DSE: variants seen among roughly 807,000 people sequenced by gnomAD.
The protein encoded by DSE is dermatan-sulfate epimerase.
A neutral mutation model predicts 84.4 loss-of-function variants in DSE; 36 were observed. The ratio of observed to expected loss-of-function variants is 0.43; its 90% CI spans 0.33 to 0.56. The LOEUF is 0.56. DSE is among the 20% of genes least tolerant of loss of function. DSE has a pLI of 0.06. For missense variants in DSE, 862 were observed against 1,169.6 expected (o/e 0.74, Z 3.84); for synonymous variants, 410 against 430.1 (o/e 0.95, Z 0.58).
intron 2 of DSE, among the ~76,000 whole-genome samples, chr6:116,324,916 A>G (rs763372232): frequency 9.9e-5 from 15 of 152,106 alleles, no homozygotes; most frequent in Non-Finnish European, 1.8e-4. Context: ...AGTTTATCCC[A>G]TTTTATATTT....
chr6:116,311,888 G>A (rs554619016), intron 2 of DSE, among the ~76,000 whole-genome samples: 6 of 152,260 alleles, frequency 3.9e-5, no homozygotes, highest in Admixed American at 1.3e-4. Flanking sequence ...ATATGTAAAT[G>A]TAAAGCAGGG....
At chr6:116,342,986 C>T (rs1278942666) in intron 2 of DSE, among the ~76,000 whole-genome samples, 1 of 152,198 alleles carries the variant, frequency 6.6e-6, no homozygotes, top group Non-Finnish European at 1.5e-5. Flanking sequence ...AATGGCACTC[C>T]TGGAGATTAT....
At chr6:116,380,766 A>T (rs1425812044) in intron 1 of DSE, among the ~76,000 whole-genome samples, 1 of 152,226 alleles carries the variant, frequency 6.6e-6, no homozygotes, top group Non-Finnish European at 1.5e-5. Context: ...TCCCTTTTGG[A>T]TACAGAGAGG....
At chr6:116,351,135 CTCTTT>C (rs1448428142) in intron 2 of DSE, among the ~76,000 whole-genome samples, 3 of 152,136 alleles carry the variant, frequency 2.0e-5, no homozygotes, top group Non-Finnish European at 4.4e-5. Context: ...GTCTTCTTTT[CTCTTT>C]TCTTCCAAAT....
chr6:116,366,417 A>T (rs1779166832), upstream of DSE: 1 of 152,234 alleles, frequency 6.6e-6, no homozygotes, highest in African/African-American at 2.4e-5. Context: ...CTCTACCATG[A>T]AGGAGCTTAT....
At chr6:116,334,639 G>T (rs967456374) in intron 2 of DSE, among the ~76,000 whole-genome samples, 2 of 152,032 alleles carry the variant, frequency 1.3e-5, no homozygotes. Context: ...TTATCTTCCA[G>T]AGTTTTTATA....
chr6:116,271,624 C>T (rs1772880314), intron 2 of DSE, among the ~76,000 whole-genome samples: 1 of 151,904 alleles, frequency 6.6e-6, no homozygotes, highest in Non-Finnish European at 1.5e-5. Context: ...TCAATTTTGG[C>T]CTGGAATTGA....
intron 2 of DSE, among the ~76,000 whole-genome samples, chr6:116,271,954 A>G (rs1344994786): frequency 6.6e-6 from 1 of 152,218 alleles, no homozygotes; most frequent in African/African-American, 2.4e-5. Flanking sequence ...TACCCCTGCA[A>G]ATGTCCTCAA....
intron 2 of DSE, among the ~76,000 whole-genome samples, chr6:116,322,208 T>C (rs1776368511): frequency 6.6e-6 from 1 of 152,204 alleles, no homozygotes; most frequent in Admixed American, 6.5e-5. Context: ...TTCTATACAA[T>C]GTCTGTAATC....
At chr6:116,363,014 G>A (rs989597080) in intron 2 of DSE, among the ~76,000 whole-genome samples, 2 of 152,036 alleles carry the variant, frequency 1.3e-5, no homozygotes, top group Non-Finnish European at 1.5e-5. Flanking sequence ...TTCTTCTAGG[G>A]TCAATTTAGT....
chr6:116,286,382 C>T (rs1773906820), intron 2 of DSE, among the ~76,000 whole-genome samples: 1 of 152,062 alleles, frequency 6.6e-6, no homozygotes, highest in African/African-American at 2.4e-5. Flanking sequence ...TTCCCCTATC[C>T]ACAAGCATAT....
In DSE at chr6:116,438,368, C is replaced by T. The variant is rs184334598; in HGVS notation, c.*1023C>T. 10 of 152,192 alleles carry T rather than the reference C, an allele frequency of 6.6e-5. No individual in the cohort carries two copies. In the East Asian group the frequency reaches 7.7e-4, roughly 12 times the overall value. The allele number at this position is 152,192 out of a possible 1,614,324, so 9.4% of individuals were successfully genotyped here. ...TTTTGAAGAGAGATCTTTATTTGGA[C>T]GTGTATTCATTAAATATATAAAGTA... On this transcript the variant is annotated 3_prime_UTR_variant, in exon 6 of 6. Transcript: ENST00000644252.
intron 2 of DSE, among the ~76,000 whole-genome samples, chr6:116,294,924 C>T (rs556309605): frequency 6.6e-6 from 1 of 152,254 alleles, no homozygotes; most frequent in Admixed American, 6.5e-5. Flanking sequence ...GTAGACTACT[C>T]ACCAACTCCT....
chr6:116,345,616 G>A (rs1777908007), intron 2 of DSE, among the ~76,000 whole-genome samples: 2 of 152,232 alleles, frequency 1.3e-5, no homozygotes, highest in South Asian at 4.2e-4. Context: ...CACATTTAAA[G>A]CAGTGTGTAG....
chr6:116,346,123 A>G (rs1777950819), intron 2 of DSE, among the ~76,000 whole-genome samples: 2 of 152,238 alleles, frequency 1.3e-5, no homozygotes, highest in Admixed American at 6.5e-5. Flanking sequence ...TGAGGCAATA[A>G]TTAATAGCCT....
chr6:116,341,332 T>C (rs1383586528), intron 2 of DSE, among the ~76,000 whole-genome samples: 11 of 152,214 alleles, frequency 7.2e-5, no homozygotes, highest in African/African-American at 2.7e-4. Flanking sequence ...TGGGATAATT[T>C]TTTTCGTGTA....
At chr6:116,367,586 G>A (rs561710422), upstream of DSE, among the ~76,000 whole-genome samples, 85 of 152,234 alleles carry the variant, frequency 5.6e-4, 1 homozygote, top group Non-Finnish European at 5.6e-4. Context: ...GTTCAGACAA[G>A]AAGAACATGG....
At chr6:116,390,834 C>T (rs562310613) in intron 1 of DSE, among the ~76,000 whole-genome samples, 1 of 152,290 alleles carries the variant, frequency 6.6e-6, no homozygotes, top group South Asian at 2.1e-4. Context: ...TCTCTACCCT[C>T]GTTTCCCTTT....
In DSE at chr6:116,345,213, A is replaced by G. The variant is rs894351568; in HGVS notation, c.-53-53985A>G. On this transcript the variant is annotated intron_variant, in intron 2 of 3. Transcript: ENST00000430252. ...TGTCAACATTCGACAGATCAATGAG[A>G]TAGAAAGTTAACAAGGATATCCAGG... Among the ~76,000 whole-genome samples the G allele has an allele frequency of 2.6e-5, 4 of 152,324 alleles. No individual in the cohort carries two copies. The East Asian group carries it at 5.8e-4, about 22-fold the overall frequency.
Sources: gnomAD v4.1 joint callset for allele counts (sites outside exome capture counted in the v4.1 genomes callset) on GRCh38, gnomAD v4.1.1 for gene constraint, MANE v1.5 for transcripts, NCBI Gene and HGNC (gene_info 2026-07-23, HGNC 2026-07-21) for gene names.